ZBED3: variants seen among roughly 807,000 people sequenced by gnomAD.
ZBED3 encodes the protein zinc finger BED domain-containing protein 3.
For missense variants in ZBED3, 388 were observed against 362.9 expected (o/e 1.07, Z -0.56); for synonymous variants, 175 against 180.0 (o/e 0.97, Z 0.22).
chr5:77,080,692 G>A (rs975034560), intron 1 of ZBED3: 3 of 477,118 alleles, frequency 6.3e-6, no homozygotes, highest in African/African-American at 5.9e-5. Flanking sequence ...CACAAGGACA[G>A]AAAACCAAAC....
chr5:77,076,880 C>T lies in ZBED3; in HGVS notation c.*294G>A, dbSNP rs1305982007. On this transcript the variant is annotated 3_prime_UTR_variant, in exon 3 of 3. Coordinates refer to ENST00000255198, the MANE Select transcript of ZBED3 (RefSeq NM_032367.4). ...CTGGGTGGTCTGGGTTCACGGGGCT[C>T]CTGGAGCTCTCGGGTGTCCCGTGTG... is the stretch of plus-strand genomic sequence containing the variant. The T allele has an allele frequency of 8.0e-6, 2 of 250,578 alleles. No individual in the cohort carries two copies. The highest frequency in any genetic ancestry group is 1.5e-5 in the Non-Finnish European group (2 of 132,420). 15.5% of individuals were successfully genotyped at this position (250,578 alleles called of 1,614,324 possible).
At position 77,073,755 on chromosome 5, in the gene ZBED3, C is replaced by G. The variant is rs1742924595; in HGVS notation, c.*3419G>C. 6.6e-6 allele frequency: 1 copy of G among 152,126 alleles called. No homozygotes were observed. Among genetic ancestry groups the G allele is most frequent in the Non-Finnish European group, 1.5e-5 (1 of 68,022 alleles). The allele number at this position is 152,126 out of a possible 1,614,324, so 9.4% of individuals were successfully genotyped here. ...TAAATGATTAGTAATTACAGGAAAA[C>G]TAACTTGTAAAAATCTTAAAGACAT... On this transcript the variant is annotated 3_prime_UTR_variant, in exon 3 of 3. Transcript: ENST00000255198.
chr5:77,077,127 C>T lies in ZBED3; in HGVS notation c.*47G>A. The stretch of plus-strand genomic sequence containing the variant: ...TCCCAGCGGGGTCTGAAGGCATTGG[C>T]ATTGGACGGAGAAGCGCTGTCCTGG... On this transcript the variant is annotated 3_prime_UTR_variant, in exon 3 of 3. Coordinates refer to ENST00000255198, the MANE Select transcript of ZBED3 (RefSeq NM_032367.4). 1.5e-6 allele frequency: 2 copies of T among 1,310,446 alleles called. No individual in the cohort carries two copies. The highest frequency in any genetic ancestry group is 2.0e-5 in the South Asian group (1 of 50,918). The allele number at this position is 1,310,446 out of a possible 1,614,324, so 81.2% of individuals were successfully genotyped here.
rs13163338 is a variant in ZBED3, at chr5:77,077,519, G to T, written c.360C>A (p.Gly120=). Residue 120 remains glycine, a synonymous_variant, in exon 3 of 3, where the codon GGC becomes GGA. Transcript: ENST00000255198. The part of the protein sequence containing the change: ...PPAAPCPPPP[G]PAAAPEGDWA... ...AGTCGCCCTCGGGGGCCGCAGCGGGGCCGGGCGGCGGCGGGCAGGGCGCGG... is the reference window on the plus strand; with the variant it reads ...AGTCGCCCTCGGGGGCCGCAGCGGGTCCGGGCGGCGGCGGGCAGGGCGCGG... The T allele has an allele frequency of 1.7e-6, 2 of 1,202,086 alleles. No individual in the cohort carries two copies. The highest frequency in any genetic ancestry group is 7.2e-5 in the East Asian group (2 of 27,940). The allele number at this position is 1,202,086 out of a possible 1,614,324, so 74.5% of individuals were successfully genotyped here. A position where few individuals can be genotyped will look rare whatever the true frequency, so the allele number is the denominator to read the frequency against.
At chr5:77,080,879 C>T (rs1731977453) in intron 1 of ZBED3, among the ~76,000 whole-genome samples, 1 of 152,186 alleles carries the variant, frequency 6.6e-6, no homozygotes, top group South Asian at 2.1e-4. Context: ...CACATGTATA[C>T]ATATGTAACA....
chr5:77,075,968 T>C lies in ZBED3; in HGVS notation c.*1206A>G, dbSNP rs941519839. On this transcript the variant is annotated 3_prime_UTR_variant, in exon 3 of 3. Coordinates refer to ENST00000255198, the MANE Select transcript of ZBED3 (RefSeq NM_032367.4). ...ACATATATATATATATATATATATGTATATGTATATATGTATATATATATG... is the reference window on the plus strand; with the variant it reads ...ACATATATATATATATATATATATGCATATGTATATATGTATATATATATG... 12 of 19,414 alleles carry C rather than the reference T, an allele frequency of 6.2e-4. 5 individuals are homozygous for C. Among genetic ancestry groups the C allele is most frequent in the Non-Finnish European group, 1.2e-3 (12 of 10,214 alleles). 1.2% of individuals were successfully genotyped at this position (19,414 alleles called of 1,614,324 possible). A position where few individuals can be genotyped will look rare whatever the true frequency, so the allele number is the denominator to read the frequency against.
intron 1 of ZBED3, chr5:77,080,317 G>A (rs979751145): frequency 5.0e-6 from 2 of 401,668 alleles, no homozygotes; most frequent in African/African-American, 4.2e-5. Flanking sequence ...GTGTCGCACA[G>A]GTGAATGCCA....
In ZBED3 at chr5:77,076,710, T is replaced by TAAA. The variant is rs902619453; in HGVS notation, c.*461_*463dup. On this transcript the variant is annotated 3_prime_UTR_variant, in exon 3 of 3. Transcript: ENST00000255198. ...GAACTCTTTTTTTTTTTTTTTTGGGTAAAAAGCTTTCTCATTTCCACGCAC... is the reference window on the plus strand; with the variant it reads ...GAACTCTTTTTTTTTTTTTTTTGGGTAAAAAAAAGCTTTCTCATTTCCACGCAC... 2.2e-5 allele frequency: 3 copies of TAAA among 139,246 alleles called. No individual in the cohort carries two copies. Among genetic ancestry groups the TAAA allele is most frequent in the African/African-American group, 8.0e-5 (3 of 37,302 alleles). 8.6% of individuals were successfully genotyped at this position (139,246 alleles called of 1,614,324 possible). A position where few individuals can be genotyped will look rare whatever the true frequency, so the allele number is the denominator to read the frequency against.
intron 1 of ZBED3, among the ~76,000 whole-genome samples, chr5:77,084,160 T>C (rs1580150222): frequency 6.6e-6 from 1 of 152,206 alleles, no homozygotes; most frequent in East Asian, 1.9e-4. Flanking sequence ...CACATAGTCT[T>C]TGCCCTCAGG....
intron 1 of ZBED3, among the ~76,000 whole-genome samples, chr5:77,079,771 T>C (rs948892939): frequency 5.3e-5 from 8 of 152,172 alleles, no homozygotes; most frequent in East Asian, 1.9e-4. Flanking sequence ...ATTGCTAAAG[T>C]CTCAAAAGTG....
At chr5:77,081,938 C>G (rs868213616) in intron 1 of ZBED3, among the ~76,000 whole-genome samples, 3 of 151,982 alleles carry the variant, frequency 2.0e-5, no homozygotes, top group Non-Finnish European at 4.4e-5. Context: ...AATTCTGATA[C>G]CTGTGTGATA....
chr5:77,078,444 A>G (rs1266782769), intron 2 of ZBED3, 150 bp downstream of exon 2: 2 of 152,252 alleles, frequency 1.3e-5, no homozygotes, highest in Non-Finnish European at 2.9e-5. Flanking sequence ...AAAAGCTTTC[A>G]AAGACTGTAT....
At chr5:77,086,723 G>A (rs1743249378) in intron 1 of ZBED3, 1 of 152,246 alleles carries the variant, frequency 6.6e-6, no homozygotes, top group African/African-American at 2.4e-5. Flanking sequence ...GCGACATCAA[G>A]CAAGTCCCAG....
At chr5:77,084,740 C>T (rs1009169717) in intron 1 of ZBED3, among the ~76,000 whole-genome samples, 1 of 152,202 alleles carries the variant, frequency 6.6e-6, no homozygotes, top group Non-Finnish European at 1.5e-5. Flanking sequence ...AGTTCAGCAT[C>T]CCTTCCCCTC....
chr5:77,075,045 G>A lies in ZBED3; in HGVS notation c.*2129C>T, dbSNP rs991742415. On this transcript the variant is annotated 3_prime_UTR_variant, in exon 3 of 3. Coordinates refer to ENST00000255198, the MANE Select transcript of ZBED3 (RefSeq NM_032367.4). ...CCTCGTCCACTCATAGAGGCAGGATGTGCAAGGAGGGGTGGAGACATGCAG... is the reference window on the plus strand; with the variant it reads ...CCTCGTCCACTCATAGAGGCAGGATATGCAAGGAGGGGTGGAGACATGCAG... 2.0e-5 allele frequency: 3 copies of A among 152,192 alleles called. No individual in the cohort carries two copies. The highest frequency in any genetic ancestry group is 7.2e-5 in the African/African-American group (3 of 41,422). The allele number at this position is 152,192 out of a possible 1,614,324, so 9.4% of individuals were successfully genotyped here.
Position 77,077,412 on chromosome 5 carries a change from GC to G in ZBED3, c.466del (p.Ala156ProfsTer44). 2.4e-6 allele frequency: 3 copies of G among 1,238,976 alleles called. No individual in the cohort carries two copies. Among genetic ancestry groups the G allele is most frequent in the South Asian group, 2.8e-5 (1 of 36,232 alleles). 76.7% of individuals were successfully genotyped at this position (1,238,976 alleles called of 1,614,324 possible). On this transcript the variant is annotated frameshift_variant, in exon 3 of 3. Coordinates refer to ENST00000255198, the MANE Select transcript of ZBED3 (RefSeq NM_032367.4). LOFTEE classifies it low-confidence loss of function (END_TRUNC). ...RERELERREL[A>X]VEQGERALER... The stretch of plus-strand genomic sequence containing the variant: ...CAGGGCGCGCTCGCCCTGCTCCACG[GC>G]CAGCTCGCGCCGCTCCAGCTCCCGC...
In ZBED3 at chr5:77,075,452, A is replaced by G. The variant is rs1742955942; in HGVS notation, c.*1722T>C. On this transcript the variant is annotated 3_prime_UTR_variant, in exon 3 of 3. Coordinates refer to ENST00000255198, the MANE Select transcript of ZBED3 (RefSeq NM_032367.4). ...CTGTATTAGAGGCTATAAAGAAGTTACTGTTTATATTTTTAGGCATGATCA... is the reference window on the plus strand; with the variant it reads ...CTGTATTAGAGGCTATAAAGAAGTTGCTGTTTATATTTTTAGGCATGATCA... 6.6e-6 allele frequency: 1 copy of G among 152,176 alleles called. No homozygotes were observed. The highest frequency in any genetic ancestry group is 1.5e-5 in the Non-Finnish European group (1 of 68,026). 9.4% of individuals were successfully genotyped at this position (152,176 alleles called of 1,614,324 possible). A position where few individuals can be genotyped will look rare whatever the true frequency, so the allele number is the denominator to read the frequency against.
intron 1 of ZBED3, among the ~76,000 whole-genome samples, chr5:77,084,464 C>T (rs1743197541): frequency 6.6e-6 from 1 of 151,746 alleles, no homozygotes; most frequent in African/African-American, 2.4e-5. Flanking sequence ...GTGCCTTTCG[C>T]CTTCCGCCTT....
rs1380894446 is a variant in ZBED3 at position 77,075,969 on chromosome 5, A to ATATATATATATATG, written c.*1204_*1205insCATATATATATATA. 138 of 20,124 alleles carry ATATATATATATATG rather than the reference A, an allele frequency of 6.9e-3. 27 individuals are homozygous for ATATATATATATATG. The highest frequency in any genetic ancestry group is 1.0e-2 in the African/African-American group (46 of 4,620). The allele number at this position is 20,124 out of a possible 1,614,324, so 1.2% of individuals were successfully genotyped here. On this transcript the variant is annotated 3_prime_UTR_variant, in exon 3 of 3. Transcript: ENST00000255198. The stretch of plus-strand genomic sequence containing the variant: ...CATATATATATATATATATATATGT[A>ATATATATATATATG]TATGTATATATGTATATATATATGT...
Sources: gnomAD v4.1 joint callset for allele counts (sites outside exome capture counted in the v4.1 genomes callset) on GRCh38, gnomAD v4.1.1 for gene constraint, MANE v1.5 for transcripts, NCBI Gene and HGNC (gene_info 2026-07-23, HGNC 2026-07-21) for gene names.